Variants in SGK1 observed in about 807,000 individuals in gnomAD.
SGK1 encodes serine/threonine-protein kinase Sgk1.
SGK1 carries 26 observed loss-of-function variants against 64.2 expected under a neutral mutation model. That is an observed-to-expected ratio of 0.40 (90% CI 0.30 to 0.56). The LOEUF is 0.56. SGK1 is among the 20% of genes least tolerant of loss of function. The pLI is 0.38. For synonymous variants in SGK1, 265 were observed against 239.7 expected (o/e 1.11, Z -0.98); for missense variants, 519 against 645.6 (o/e 0.80, Z 2.12).
In SGK1 at chr6:134,232,414, AGAAAGAAAGAAAGAAAG is replaced by A. The variant is rs1287742055; in HGVS notation, c.286-25000_286-24984del. On this transcript the variant is annotated intron_variant, in intron 2 of 13. Transcript: ENST00000367858. ...AAAGAAAGAAGAAAAAGAAAGAAAG[AGAAAGAAAGAAAGAAAG>A]AAAGAAAGAAAGAAAGAAAGAAAGA... Among the ~76,000 whole-genome samples, 7 of 68,776 alleles carry A rather than the reference AGAAAGAAAGAAAGAAAG, an allele frequency of 1.0e-4. 1 individual carries two copies. The highest frequency in any genetic ancestry group is 3.5e-4 in the Admixed American group (2 of 5,782). 45.1% of individuals were successfully genotyped at this position (68,776 alleles called of 152,430 possible). A position where few individuals can be genotyped will look rare whatever the true frequency, so the allele number is the denominator to read the frequency against.
chr6:134,250,813 G>A (rs1776595549), intron 2 of SGK1, among the ~76,000 whole-genome samples: 1 of 152,078 alleles, frequency 6.6e-6, no homozygotes, highest in African/African-American at 2.4e-5. Flanking sequence ...TCACTCTGTT[G>A]TTCAGGCTGC....
In SGK1 at chr6:134,246,816, C is replaced by A. The variant is rs147598719; in HGVS notation, c.285+15117G>T. On this transcript the variant is annotated intron_variant, in intron 2 of 13. Coordinates refer to ENST00000367858, the MANE Select transcript of SGK1 (RefSeq NM_001143676.3). ...CCATGTTGGCTAGGCTGGTCTCAAA[C>A]TCCTGACCTCAGGTGACCCACTCGC... is the stretch of plus-strand genomic sequence containing the variant. Among the ~76,000 whole-genome samples, 966 of 152,228 alleles carry A rather than the reference C, an allele frequency of 6.3e-3. 13 individuals carry two copies. The highest frequency in any genetic ancestry group is 0.022 in the African/African-American group (924 of 41,514).
intron 3 of SGK1, among the ~76,000 whole-genome samples, chr6:134,191,707 C>T (rs1170955854): frequency 1.3e-5 from 2 of 150,108 alleles, no homozygotes; most frequent in African/African-American, 2.5e-5. Context: ...CTCACTCTGT[C>T]GCCCAGGCTG....
At chr6:134,172,493 T>C in intron 9 of SGK1, 169 bp downstream of exon 9, 1 of 798,002 alleles carries the variant, frequency 1.3e-6, no homozygotes, top group Non-Finnish European at 2.0e-6. Context: ...CAATCCTACT[T>C]GGCTGGTTCC....
intron 2 of SGK1, among the ~76,000 whole-genome samples, chr6:134,223,382 G>C (rs1027252485): frequency 1.3e-5 from 2 of 151,594 alleles, no homozygotes; most frequent in Non-Finnish European, 2.9e-5. Flanking sequence ...AAAAAAAAAG[G>C]GATAATATAA....
At chr6:134,184,883 C>T (rs767059453) in intron 3 of SGK1, among the ~76,000 whole-genome samples, 8 of 152,060 alleles carry the variant, frequency 5.3e-5, no homozygotes, top group Non-Finnish European at 8.8e-5. Flanking sequence ...TGAGGTCTTG[C>T]GGTGTTAGCC....
intron 2 of SGK1, among the ~76,000 whole-genome samples, chr6:134,225,382 A>C: frequency 6.6e-6 from 1 of 151,924 alleles, no homozygotes; most frequent in South Asian, 2.1e-4. Context: ...AAGAAATATA[A>C]TTGTGGATCC....
At position 134,169,541 on chromosome 6, in the gene SGK1, GCT is replaced by G. The variant is rs2114623770; in HGVS notation, c.*725_*726del. On this transcript the variant is annotated 3_prime_UTR_variant, in exon 14 of 14. Transcript: ENST00000367858. The stretch of plus-strand genomic sequence containing the variant: ...TTTTAAACAATGAAAAACACCAACG[GCT>G]CTGACTGACAACTGGGGCATTGGTC... 6.6e-6 allele frequency: 1 copy of G among 152,084 alleles called. No individual in the cohort carries two copies. Among genetic ancestry groups the G allele is most frequent in the Admixed American group, 6.6e-5 (1 of 15,256 alleles). The allele number at this position is 152,084 out of a possible 1,614,324, so 9.4% of individuals were successfully genotyped here.
At chr6:134,286,662 C>T (rs1777189090) in intron 1 of SGK1, among the ~76,000 whole-genome samples, 1 of 151,750 alleles carries the variant, frequency 6.6e-6, no homozygotes, top group Admixed American at 6.6e-5. Context: ...AGAGACGGGG[C>T]TTCCCCGTGT....
At chr6:134,296,153 T>C (rs145606431) in intron 1 of SGK1, among the ~76,000 whole-genome samples, 3 of 152,342 alleles carry the variant, frequency 2.0e-5, no homozygotes, top group Non-Finnish European at 4.4e-5. Flanking sequence ...AAGTTACTTA[T>C]GCTTCCTCAT....
intron 2 of SGK1, among the ~76,000 whole-genome samples, chr6:134,219,997 T>TGCA (rs1776058632): frequency 7.9e-6 from 1 of 126,214 alleles, no homozygotes; most frequent in Non-Finnish European, 1.6e-5. Flanking sequence ...AGGCGGAGCT[T>TGCA]GCAGTGAGCC....
At chr6:134,204,339 C>T (rs1775734143) in intron 3 of SGK1, among the ~76,000 whole-genome samples, 1 of 151,230 alleles carries the variant, frequency 6.6e-6, no homozygotes, top group African/African-American at 2.4e-5. Context: ...ATGAGATGAG[C>T]TCTTGTAGGA....
intron 3 of SGK1, among the ~76,000 whole-genome samples, chr6:134,179,641 A>G (rs1485438090): frequency 1.3e-5 from 2 of 152,082 alleles, no homozygotes; most frequent in African/African-American, 2.4e-5. Context: ...TTCCATATTC[A>G]TAATTGTCAA....
intron 1 of SGK1, among the ~76,000 whole-genome samples, chr6:134,277,755 T>C (rs1431656540): frequency 6.6e-6 from 1 of 152,154 alleles, no homozygotes; most frequent in Non-Finnish European, 1.5e-5. Flanking sequence ...ATGAATTAAA[T>C]AGGTTTCTAT....
chr6:134,297,616 C>T, intron 1 of SGK1: 1 of 460,616 alleles, frequency 2.2e-6, no homozygotes, highest in South Asian at 1.8e-5. Flanking sequence ...GATTCTCCTG[C>T]CTCAGTCTCC....
At chr6:134,272,940 T>C (rs1481355937) in intron 1 of SGK1, among the ~76,000 whole-genome samples, 2 of 148,252 alleles carry the variant, frequency 1.3e-5, no homozygotes, top group African/African-American at 2.4e-5. Context: ...AACAACTATT[T>C]GCCTGGCATT....
Position 134,299,053 on chromosome 6 carries a change from C to A in SGK1, c.69+18339G>T, listed in dbSNP as rs1247330342. 2.6e-5 allele frequency among the ~76,000 whole-genome samples: 4 copies of A among 152,040 alleles called. No individual in the cohort carries two copies. In the South Asian group the frequency reaches 8.3e-4, roughly 32 times the overall value. On this transcript the variant is annotated intron_variant, in intron 1 of 13. Coordinates refer to ENST00000367858, the MANE Select transcript of SGK1 (RefSeq NM_001143676.3). Reference sequence around the variant, plus strand: ...TGACCTCGTGATCCACCTGCCTCGACCTGCCAAAGTGCTGGGATTACAGGT... The same window carrying A: ...TGACCTCGTGATCCACCTGCCTCGAACTGCCAAAGTGCTGGGATTACAGGT...
chr6:134,293,342 G>A (rs1582768406), intron 1 of SGK1, among the ~76,000 whole-genome samples: 3 of 152,162 alleles, frequency 2.0e-5, no homozygotes, highest in East Asian at 3.8e-4. Flanking sequence ...TAAGGTTAGA[G>A]GCAAATGAGA....
chr6:134,177,610 G>C, intron 3 of SGK1: 1 of 1,470,574 alleles, frequency 6.8e-7, no homozygotes, highest in Non-Finnish European at 9.5e-7. Flanking sequence ...CCCATGCCAA[G>C]TAACCCCAAA....
Sources: gnomAD v4.1 joint callset for allele counts (sites outside exome capture counted in the v4.1 genomes callset) on GRCh38, gnomAD v4.1.1 for gene constraint, MANE v1.5 for transcripts, NCBI Gene and HGNC (gene_info 2026-07-23, HGNC 2026-07-21) for gene names.